TCF12: variants seen among roughly 807,000 people sequenced by gnomAD.
The protein encoded by TCF12 is transcription factor 12.
Under a neutral mutation model 86.0 loss-of-function variants are expected in TCF12, and 45 were observed. That is an observed-to-expected ratio of 0.52 (90% confidence interval 0.41 to 0.67). The LOEUF (loss-of-function observed/expected upper bound fraction) is 0.67. TCF12 is among the 30% of genes least tolerant of loss of function. TCF12 has a pLI of 0.00. For synonymous variants in TCF12, 330 were observed against 299.6 expected (o/e 1.10, Z -1.05); for missense variants, 881 against 859.9 (o/e 1.02, Z -0.31).
chr15:57,010,219 AT>A (rs2064740358), intron 3 of TCF12, among the ~76,000 whole-genome samples: 1 of 152,022 alleles, frequency 6.6e-6, no homozygotes, highest in Admixed American at 6.6e-5. Context: ...AAAATCTAAA[AT>A]TTGGACTCAA....
intron 3 of TCF12, among the ~76,000 whole-genome samples, chr15:57,053,771 C>T (rs1695543704): frequency 6.6e-6 from 1 of 152,094 alleles, no homozygotes; most frequent in Non-Finnish European, 1.5e-5. Context: ...TATCATTTGG[C>T]CCTTTATTGC....
chr15:56,968,364 G>GT lies in TCF12; in HGVS notation c.148+47280dup, dbSNP rs71848547. On this transcript the variant is annotated intron_variant, in intron 3 of 20. Coordinates refer to ENST00000333725, the MANE Select transcript of TCF12 (RefSeq NM_207037.2). ...GCATCCATTCATATTACCTTTTTTT[G>GT]TTTTTTTTTTTTTTGAAATGGGGGT... is the stretch of plus-strand genomic sequence containing the variant. Among the ~76,000 whole-genome samples, 589 of 128,698 alleles carry GT rather than the reference G, an allele frequency of 4.6e-3. 2 individuals carry two copies. Among genetic ancestry groups the GT allele is most frequent in the African/African-American group, 0.013 (493 of 36,944 alleles). The allele number at this position is 128,698 out of a possible 152,430, so 84.4% of individuals were successfully genotyped here.
chr15:57,063,846 G>C (rs765547911), intron 4 of TCF12, 23 bp downstream of exon 4: 1 of 1,537,934 alleles, frequency 6.5e-7, no homozygotes, highest in Non-Finnish European at 8.9e-7. Flanking sequence ...ATCAACCCTT[G>C]ATTAAAGCTG....
At chr15:57,210,691 A>G (rs781053125) in intron 8 of TCF12, among the ~76,000 whole-genome samples, 1 of 152,134 alleles carries the variant, frequency 6.6e-6, no homozygotes, top group Non-Finnish European at 1.5e-5. Context: ...TTATATAACA[A>G]CCATTTCAGT....
At chr15:57,121,540 C>T (rs994722733) in intron 5 of TCF12, among the ~76,000 whole-genome samples, 2 of 152,154 alleles carry the variant, frequency 1.3e-5, no homozygotes, top group African/African-American at 4.8e-5. Flanking sequence ...GAAAGGCGCA[C>T]CTTCTTGCCC....
intron 8 of TCF12, among the ~76,000 whole-genome samples, chr15:57,224,556 A>C (rs1009934400): frequency 6.6e-6 from 1 of 152,166 alleles, no homozygotes; most frequent in African/African-American, 2.4e-5. Context: ...GTTACACAGT[A>C]AGAGCAGCAG....
At chr15:56,967,703 C>T (rs374198246) in intron 3 of TCF12, among the ~76,000 whole-genome samples, 7 of 152,136 alleles carry the variant, frequency 4.6e-5, no homozygotes, top group African/African-American at 4.8e-5. Context: ...AACAAATTGC[C>T]GAGGATGGAG....
chr15:57,001,530 G>A (rs1431907093), intron 3 of TCF12: 2 of 161,828 alleles, frequency 1.2e-5, no homozygotes, highest in South Asian at 2.0e-4. Flanking sequence ...AAAAATATTC[G>A]TTGGATTTGA....
At chr15:57,037,959 A>G (rs1008674553) in intron 3 of TCF12, among the ~76,000 whole-genome samples, 1 of 152,242 alleles carries the variant, frequency 6.6e-6, no homozygotes, top group Non-Finnish European at 1.5e-5. Flanking sequence ...AAACAGCTTG[A>G]TGGATTTCTA....
chr15:57,170,771 T>A (rs1470215248), intron 6 of TCF12, among the ~76,000 whole-genome samples: 68 of 10,806 alleles, frequency 6.3e-3, no homozygotes, highest in African/African-American at 0.026. Context: ...ATATATATAT[T>A]ATATATAATA....
At chr15:56,984,937 A>AG (rs2063110237) in intron 3 of TCF12, among the ~76,000 whole-genome samples, 3 of 152,326 alleles carry the variant, frequency 2.0e-5, no homozygotes, top group African/African-American at 7.2e-5. Flanking sequence ...CTGAGGCTGT[A>AG]ATGTTGCTTA....
At position 57,190,815 on chromosome 15, in the gene TCF12, C is replaced by G. The variant is rs562210182; in HGVS notation, c.391-1343C>G. Among the ~76,000 whole-genome samples the G allele has an allele frequency of 4.6e-5, 7 of 152,258 alleles. No homozygotes were observed. In the East Asian group the frequency reaches 1.3e-3, roughly 29 times the overall value. Reference sequence around the variant, plus strand: ...TCATCCTGATGGGTTTTCTCTTAATCATATTTTTGATGCCTAAGATATTAA... The same window carrying G: ...TCATCCTGATGGGTTTTCTCTTAATGATATTTTTGATGCCTAAGATATTAA... On this transcript the variant is annotated intron_variant, in intron 6 of 20. Coordinates refer to ENST00000333725, the MANE Select transcript of TCF12 (RefSeq NM_207037.2).
At chr15:57,087,819 A>G (rs187721191) in intron 4 of TCF12, among the ~76,000 whole-genome samples, 293 of 152,320 alleles carry the variant, frequency 1.9e-3, no homozygotes, top group African/African-American at 6.4e-3. Context: ...TTGGTGTTCA[A>G]TAGCATATTG....
chr15:57,155,051 A>G (rs578102108), intron 5 of TCF12, among the ~76,000 whole-genome samples: 49 of 152,318 alleles, frequency 3.2e-4, no homozygotes, highest in African/African-American at 1.1e-3. Context: ...TGAGGCAACT[A>G]AGGGACAGAG....
At chr15:57,096,420 G>A (rs1260055721) in intron 5 of TCF12, among the ~76,000 whole-genome samples, 1 of 151,972 alleles carries the variant, frequency 6.6e-6, no homozygotes, top group East Asian at 1.9e-4. Flanking sequence ...GATCATGAAA[G>A]TTCTCTGAAA....
At chr15:56,949,729 G>C (rs2061177399) in intron 3 of TCF12, among the ~76,000 whole-genome samples, 1 of 152,194 alleles carries the variant, frequency 6.6e-6, no homozygotes, top group Non-Finnish European at 1.5e-5. Context: ...CCTTCTGGAA[G>C]AGCTAATTTG....
rs2151122268 is a variant in TCF12, at chr15:57,092,646, AT to A, written c.325+757del. On this transcript the variant is annotated intron_variant, in intron 5 of 20. Coordinates refer to ENST00000333725, the MANE Select transcript of TCF12 (RefSeq NM_207037.2). Reference sequence around the variant, plus strand: ...ATATTTTACCCTTTTGCAAAACCTGATTGAAAATAATCTGTATGTTTTATGA... The same window carrying A: ...ATATTTTACCCTTTTGCAAAACCTGATGAAAATAATCTGTATGTTTTATGA... Among the ~76,000 whole-genome samples, 3 of 152,092 alleles carry A rather than the reference AT, an allele frequency of 2.0e-5. No homozygotes were observed. In the South Asian group the frequency reaches 6.2e-4, roughly 32 times the overall value.
At chr15:56,984,976 AAATT>A (rs763095924) in intron 3 of TCF12, among the ~76,000 whole-genome samples, 21 of 152,188 alleles carry the variant, frequency 1.4e-4, no homozygotes, top group East Asian at 9.6e-4. Flanking sequence ...AATGTGGTAG[AAATT>A]ATCTTTCTAC....
At chr15:56,956,272 G>A (rs1181245161) in intron 3 of TCF12, among the ~76,000 whole-genome samples, 1 of 151,102 alleles carries the variant, frequency 6.6e-6, no homozygotes, top group Admixed American at 6.6e-5. Context: ...TTTATCTCGT[G>A]TGTTCTTTGG....
Sources: gnomAD v4.1 joint callset for allele counts (sites outside exome capture counted in the v4.1 genomes callset) on GRCh38, gnomAD v4.1.1 for gene constraint, MANE v1.5 for transcripts, NCBI Gene and HGNC (gene_info 2026-07-23, HGNC 2026-07-21) for gene names.